RBFOX2: variants seen among roughly 807,000 people sequenced by gnomAD.
RBFOX2 encodes the protein RNA binding protein fox-1 homolog 2.
Under a neutral mutation model 49.1 loss-of-function variants are expected in RBFOX2, and 10 were observed. That is an observed-to-expected ratio of 0.20 (90% confidence interval 0.13 to 0.35). The LOEUF (loss-of-function observed/expected upper bound fraction) is 0.35. Ranked by LOEUF, RBFOX2 falls within the 10% of genes least tolerant of loss-of-function variation. The pLI is 1.00. For missense variants in RBFOX2, 323 were observed against 486.9 expected, an observed-to-expected ratio of 0.66 and a Z score of 3.17; for synonymous variants, 183 against 187.4, an observed-to-expected ratio of 0.98 and a Z score of 0.19.
At chr22:35,786,324 T>C (rs938545162) in intron 2 of RBFOX2, among the ~76,000 whole-genome samples, 1 of 152,224 alleles carries the variant, frequency 6.6e-6, no homozygotes, top group African/African-American at 2.4e-5. Context: ...TATGAAATCT[T>C]TAATTCTAAG....
At chr22:35,933,013 A>G (rs1167119171) in intron 1 of RBFOX2, among the ~76,000 whole-genome samples, 1 of 152,236 alleles carries the variant, frequency 6.6e-6, no homozygotes, top group Admixed American at 6.5e-5. Context: ...TGAAGACTTC[A>G]TGCTCCCACA....
chr22:35,872,529 G>A (rs772314703), intron 1 of RBFOX2, among the ~76,000 whole-genome samples: 2 of 152,162 alleles, frequency 1.3e-5, no homozygotes, highest in African/African-American at 4.8e-5. Context: ...TGAGTGGAAG[G>A]ATTTTTCCAC....
At chr22:35,961,357 A>T (rs1471080500) in intron 1 of RBFOX2, among the ~76,000 whole-genome samples, 1 of 152,220 alleles carries the variant, frequency 6.6e-6, no homozygotes, top group Non-Finnish European at 1.5e-5. Flanking sequence ...TTGTTAAATA[A>T]ATGTCTTCTT....
chr22:35,753,944 G>A (rs1161300392), intron 9 of RBFOX2, among the ~76,000 whole-genome samples: 1 of 151,844 alleles, frequency 6.6e-6, no homozygotes, highest in African/African-American at 2.4e-5. Flanking sequence ...CACCACGCCT[G>A]GCTAATTTTT....
chr22:35,917,213 A>G (rs1369917526), intron 1 of RBFOX2, among the ~76,000 whole-genome samples: 1 of 152,226 alleles, frequency 6.6e-6, no homozygotes, highest in African/African-American at 2.4e-5. Context: ...GGAAGACACA[A>G]CAAAAAAGAA....
chr22:35,845,016 C>A (rs1410142071), upstream of RBFOX2, among the ~76,000 whole-genome samples: 2 of 152,174 alleles, frequency 1.3e-5, no homozygotes, highest in East Asian at 3.9e-4. Context: ...CACATACCAG[C>A]ACTGCTATAA....
At chr22:35,981,892 A>C (rs928394855) in intron 1 of RBFOX2, among the ~76,000 whole-genome samples, 8 of 152,200 alleles carry the variant, frequency 5.3e-5, no homozygotes, top group Admixed American at 3.9e-4. Context: ...CCTGTAACGC[A>C]CAACACATCA....
At chr22:35,914,767 C>G (rs1331945003) in intron 1 of RBFOX2, among the ~76,000 whole-genome samples, 2 of 152,144 alleles carry the variant, frequency 1.3e-5, no homozygotes, top group East Asian at 1.9e-4. Context: ...GAATGTCACC[C>G]GATCCCCGGG....
At chr22:35,775,665 CTCTG>C (rs1943689310) in intron 4 of RBFOX2, among the ~76,000 whole-genome samples, 1 of 151,726 alleles carries the variant, frequency 6.6e-6, no homozygotes, top group Non-Finnish European at 1.5e-5. Flanking sequence ...CATGGTGAAA[CTCTG>C]TCTGTACTAA....
upstream of RBFOX2, among the ~76,000 whole-genome samples, chr22:35,940,328 G>A (rs1189127441): frequency 6.6e-6 from 1 of 152,134 alleles, no homozygotes; most frequent in Non-Finnish European, 1.5e-5. Context: ...ATGTGCAAAT[G>A]GCCAGTAAGT....
At chr22:35,837,464 T>A (rs769106939) in intron 1 of RBFOX2, among the ~76,000 whole-genome samples, 3 of 151,724 alleles carry the variant, frequency 2.0e-5, no homozygotes, top group Admixed American at 6.6e-5. Flanking sequence ...CATTATCAAA[T>A]GTTGGGATTG....
In RBFOX2 at chr22:35,958,977, T is replaced by TATATATA. The variant is rs755064541; in HGVS notation, c.42+2585_42+2586insTATATAT. ...GAGAAAACTATATATATATATATAT[T>TATATATA]GTGTAAAGCTTAGTTTTCTGCAAGT... is the stretch of plus-strand genomic sequence containing the variant. On this transcript the variant is annotated intron_variant, in intron 1 of 5. Coordinates refer to the RBFOX2 transcript ENST00000408983. 4.0e-3 allele frequency among the ~76,000 whole-genome samples: 602 copies of TATATATA among 151,050 alleles called. 7 individuals are homozygous for TATATATA. Among genetic ancestry groups the TATATATA allele is most frequent in the East Asian group, 0.017 (87 of 5,132 alleles).
intron 1 of RBFOX2, among the ~76,000 whole-genome samples, chr22:35,907,676 G>C (rs897338189): frequency 1.3e-5 from 2 of 151,652 alleles, no homozygotes; most frequent in Non-Finnish European, 2.9e-5. Flanking sequence ...GAAACAGAGT[G>C]TCGCTCCGTC....
chr22:35,837,050 A>G (rs1027520163), intron 1 of RBFOX2, among the ~76,000 whole-genome samples: 6 of 152,236 alleles, frequency 3.9e-5, no homozygotes, highest in African/African-American at 4.8e-5. Flanking sequence ...AAGCATGTCT[A>G]TCGGCTATAT....
At chr22:35,840,631 CGTGTGTGTGTGTGTGT>C (rs150747166), upstream of RBFOX2, 11 of 1,006,582 alleles carry the variant, frequency 1.1e-5, no homozygotes, top group Admixed American at 1.0e-4. Flanking sequence ...TGCGTGTGTG[CGTGTGTGTGTGTGTGT>C]GTGTGTGTGT....
At chr22:35,932,361 G>C (rs1323202837) in intron 1 of RBFOX2, among the ~76,000 whole-genome samples, 1 of 151,944 alleles carries the variant, frequency 6.6e-6, no homozygotes, top group Admixed American at 6.6e-5. Context: ...TACTTGTTAA[G>C]AAAAGAAACC....
intron 1 of RBFOX2, among the ~76,000 whole-genome samples, chr22:35,912,037 C>T (rs1031697065): frequency 1.1e-4 from 16 of 152,116 alleles, no homozygotes; most frequent in East Asian, 3.8e-4. Context: ...TTGTACTCAA[C>T]GTAAAGGCCT....
intron 1 of RBFOX2, chr22:35,992,778 C>T (rs1364324374): frequency 1.3e-5 from 2 of 152,170 alleles, no homozygotes; most frequent in African/African-American, 2.4e-5. Context: ...AAAACAGCTA[C>T]AAGATGAAGG....
intron 1 of RBFOX2, among the ~76,000 whole-genome samples, chr22:35,820,307 T>C (rs1954190072): frequency 6.6e-6 from 1 of 152,244 alleles, no homozygotes; most frequent in South Asian, 2.1e-4. Context: ...GAAGAGGGTT[T>C]GGTGCAGGTG....
Sources: gnomAD v4.1 joint callset for allele counts (sites outside exome capture counted in the v4.1 genomes callset) on GRCh38, gnomAD v4.1.1 for gene constraint, MANE v1.5 for transcripts, NCBI Gene and HGNC (gene_info 2026-07-23, HGNC 2026-07-21) for gene names.